The following SERPINB12 variants were observed in gnomAD, a reference collection of about 807,000 sequenced individuals.
The protein encoded by SERPINB12 is serpin family B member 12.
SERPINB12 carries 57 observed loss-of-function variants against 41.1 expected under a neutral mutation model. The ratio of observed to expected loss-of-function variants is 1.39; its 90% CI spans 1.12 to 1.73. The LOEUF (loss-of-function observed/expected upper bound fraction) is 1.73, where lower values mean the gene tolerates loss of function less well. SERPINB12 is among the 40% of genes most tolerant of loss of function. SERPINB12 has a pLI of 0.00. For missense variants in SERPINB12, 536 were observed against 501.9 expected (o/e 1.07, Z -0.65); for synonymous variants, 180 against 181.3 (o/e 0.99, Z 0.06).
chr18:63,560,739 G>A (rs990910955), intron 4 of SERPINB12, among the ~76,000 whole-genome samples: 9 of 151,912 alleles, frequency 5.9e-5, no homozygotes, highest in East Asian at 1.9e-4. Flanking sequence ...CTTAAAAACA[G>A]AAGCATTTTC....
intron 1 of SERPINB12, among the ~76,000 whole-genome samples, chr18:63,551,933 A>G (rs1910541141): frequency 6.6e-6 from 1 of 152,226 alleles, no homozygotes; most frequent in Admixed American, 6.5e-5. Flanking sequence ...CAGAGAGGCA[A>G]TCACTGAGAC....
intron 6 of SERPINB12, among the ~76,000 whole-genome samples, chr18:63,565,173 C>T (rs1351222966): frequency 6.6e-6 from 1 of 152,090 alleles, no homozygotes; most frequent in Non-Finnish European, 1.5e-5. Flanking sequence ...GGTGACAGAG[C>T]AAGACCCTGT....
chr18:63,553,038 G>T lies in SERPINB12; in HGVS notation c.-18-3104G>T, dbSNP rs114521350. On this transcript the variant is annotated intron_variant, in intron 1 of 7. Coordinates refer to ENST00000382768, the MANE Select transcript of SERPINB12 (RefSeq NM_001307928.2). ...CTCAACTCCCTTGGGAGGTGAGGCA[G>T]CATTAAAGCTGCACACAACTGTAAT... Among the ~76,000 whole-genome samples, 214 of 152,210 alleles carry T rather than the reference G, an allele frequency of 1.4e-3. 1 individual carries two copies. The highest frequency in any genetic ancestry group is 5.0e-3 in the African/African-American group (208 of 41,520).
the SERPINB12 span, among the ~76,000 whole-genome samples, chr18:63,532,511 T>C: frequency 6.6e-6 from 1 of 152,256 alleles, no homozygotes; most frequent in South Asian, 2.1e-4. Context: ...GAAGTGGGTA[T>C]TATGTGATGT....
rs1911114175 is a variant in SERPINB12 at position 63,566,746 on chromosome 18, G to A, written c.1013G>A (p.Gly338Asp). Reference sequence around the variant, plus strand: ...CTCAATTCCATTTTACAAGACATGGGCATTACGGATATCTTTGATGAAACG... The same window carrying A: ...CTCAATTCCATTTTACAAGACATGGACATTACGGATATCTTTGATGAAACG... ...YDLNSILQDM[G>D]ITDIFDETRA... The change falls in exon 8 of 8, where the codon GGC (glycine) becomes GAC (aspartate). Residue 338 changes from glycine to aspartate, a missense_variant. Transcript: ENST00000382768. The A allele has an allele frequency of 3.1e-6, 5 of 1,614,126 alleles. No individual in the cohort carries two copies. The East Asian group carries it at 6.7e-5, about 22-fold the overall frequency.
intron 3 of SERPINB12, among the ~76,000 whole-genome samples, chr18:63,558,815 T>A (rs531109993): frequency 6.6e-6 from 1 of 152,148 alleles, no homozygotes; most frequent in Non-Finnish European, 1.5e-5. Flanking sequence ...GGGTCAGCTG[T>A]GGAATTCTTA....
chr18:63,540,609 C>T (rs1910253425), upstream of SERPINB12, among the ~76,000 whole-genome samples: 1 of 152,154 alleles, frequency 6.6e-6, no homozygotes, highest in African/African-American at 2.4e-5. Flanking sequence ...TGGGATTTCT[C>T]TGGAGTAAAA....
upstream of SERPINB12, among the ~76,000 whole-genome samples, chr18:63,539,580 GC>G (rs1177285156): frequency 6.6e-6 from 1 of 151,926 alleles, no homozygotes; most frequent in African/African-American, 2.4e-5. Context: ...CTCATCAGGT[GC>G]CCCCCACCCC....
At chr18:63,555,578 T>C (rs1271880772) in intron 1 of SERPINB12, among the ~76,000 whole-genome samples, 2 of 152,168 alleles carry the variant, frequency 1.3e-5, no homozygotes, top group Non-Finnish European at 2.9e-5. Context: ...GCAGATGTGG[T>C]CAAATTAAGA....
intron 2 of SERPINB12, among the ~76,000 whole-genome samples, chr18:63,557,560 G>A (rs918068007): frequency 6.6e-6 from 1 of 152,002 alleles, no homozygotes; most frequent in Admixed American, 6.5e-5. Flanking sequence ...GTGTTTCTGG[G>A]GTCATTCTGC....
chr18:63,546,777 C>T lies in SERPINB12; in HGVS notation c.-19+4285C>T, dbSNP rs115841767. 8.1e-3 allele frequency among the ~76,000 whole-genome samples: 1,237 copies of T among 152,188 alleles called. 18 individuals are homozygous for T. The highest frequency in any genetic ancestry group is 0.028 in the African/African-American group (1,177 of 41,520). On this transcript the variant is annotated intron_variant, in intron 1 of 7. Transcript: ENST00000382768. ...ATAGCATTTGTTTTAAAAATATATG[C>T]CACTCTTTTCTTTTCCCTTTAATCT...
At chr18:63,551,186 A>G (rs950980948) in intron 1 of SERPINB12, among the ~76,000 whole-genome samples, 10 of 151,756 alleles carry the variant, frequency 6.6e-5, no homozygotes, top group Non-Finnish European at 1.3e-4. Context: ...GGAGAATGGC[A>G]TGAACCTGGG....
chr18:63,556,340 T>TACAC lies in SERPINB12; in HGVS notation c.168+14_168+15insCACA. On this transcript the variant is annotated intron_variant, in intron 2 of 7. Coordinates refer to ENST00000382768, the MANE Select transcript of SERPINB12 (RefSeq NM_001307928.2). Reference sequence around the variant, plus strand: ...TCAGATTGATGAGGTACGTGTCCACTAGGGTGCTACACAGGGTCCTAAACT... The same window carrying TACAC: ...TCAGATTGATGAGGTACGTGTCCACTACACAGGGTGCTACACAGGGTCCTAAACT... The TACAC allele has an allele frequency of 6.2e-7, 1 of 1,612,168 alleles. No individual in the cohort carries two copies. The highest frequency in any genetic ancestry group is 8.5e-7 in the Non-Finnish European group (1 of 1,178,652).
chr18:63,533,630 A>G, the SERPINB12 span, among the ~76,000 whole-genome samples: 5 of 152,324 alleles, frequency 3.3e-5, no homozygotes, highest in East Asian at 9.6e-4. Context: ...GATATCTTTC[A>G]CTGCTGACCC....
At position 63,559,738 on chromosome 18, in the gene SERPINB12, T is replaced by G; in HGVS notation, c.444+20T>G. 6.2e-7 allele frequency: 1 copy of G among 1,613,232 alleles called. No homozygotes were observed. Among genetic ancestry groups the G allele is most frequent in the Middle Eastern group, 1.7e-4 (1 of 6,054 alleles). Reference sequence around the variant, plus strand: ...TGTCAGGTGAGTTGCACACGAATGGTGACTAAAGCTACCATGTAGCATACT... The same window carrying G: ...TGTCAGGTGAGTTGCACACGAATGGGGACTAAAGCTACCATGTAGCATACT... On this transcript the variant is annotated intron_variant, in intron 4 of 7. Coordinates refer to ENST00000382768, the MANE Select transcript of SERPINB12 (RefSeq NM_001307928.2).
chr18:63,542,590 T>C (rs547717694), intron 1 of SERPINB12, among the ~76,000 whole-genome samples, 98 bp downstream of exon 1: 1 of 152,320 alleles, frequency 6.6e-6, no homozygotes, highest in African/African-American at 2.4e-5. Context: ...GTCTTCATTC[T>C]TGGGATCAGA....
intron 1 of SERPINB12, among the ~76,000 whole-genome samples, chr18:63,544,086 A>T (rs1343329052): frequency 6.6e-6 from 1 of 152,234 alleles, no homozygotes; most frequent in Non-Finnish European, 1.5e-5. Flanking sequence ...GTAAGGGGAC[A>T]GATAGTAAAT....
chr18:63,541,676 G>A (rs1210700203), upstream of SERPINB12, among the ~76,000 whole-genome samples: 1 of 152,118 alleles, frequency 6.6e-6, no homozygotes, highest in African/African-American at 2.4e-5. Flanking sequence ...GAGAGAAGTA[G>A]AGGGAGAAAG....
upstream of SERPINB12, among the ~76,000 whole-genome samples, chr18:63,538,912 T>A (rs1276279507): frequency 1.3e-5 from 2 of 152,180 alleles, no homozygotes; most frequent in Non-Finnish European, 2.9e-5. Flanking sequence ...TATCTCACTG[T>A]AGTTTTATTT....
Sources: gnomAD v4.1 joint callset for allele counts (sites outside exome capture counted in the v4.1 genomes callset) on GRCh38, gnomAD v4.1.1 for gene constraint, MANE v1.5 for transcripts, NCBI Gene and HGNC (gene_info 2026-07-23, HGNC 2026-07-21) for gene names.